OSBPL9: variants seen among roughly 807,000 people sequenced by gnomAD.
OSBPL9 encodes the protein oxysterol binding protein like 9.
In OSBPL9, 40 loss-of-function variants were observed where a neutral mutation model predicts 106.6. That is an observed-to-expected ratio of 0.38 (90% CI 0.29 to 0.49). The LOEUF (loss-of-function observed/expected upper bound fraction) is 0.49, where lower values mean the gene tolerates loss of function less well. OSBPL9 is among the 20% of genes least tolerant of loss of function. OSBPL9 has a pLI of 0.97. For missense variants in OSBPL9, 609 were observed against 887.2 expected (o/e 0.69, Z 3.98); for synonymous variants, 269 against 295.4 (o/e 0.91, Z 0.92).
intron 1 of OSBPL9, among the ~76,000 whole-genome samples, chr1:51,633,825 A>G (rs902993170): frequency 1.3e-5 from 2 of 152,010 alleles, no homozygotes; most frequent in African/African-American, 2.4e-5. Flanking sequence ...GGGCCTCACT[A>G]TGTTGCCCAG....
At chr1:51,709,958 C>T (rs1368154566) in intron 3 of OSBPL9, 1 of 152,392 alleles carries the variant, frequency 6.6e-6, no homozygotes, top group East Asian at 1.9e-4. Context: ...GCATATGTCT[C>T]CTCCATAGAA....
At chr1:51,707,233 G>T in intron 3 of OSBPL9, 1 of 323,082 alleles carries the variant, frequency 3.1e-6, no homozygotes, top group South Asian at 2.6e-5. Context: ...CTGACAAAGT[G>T]GTCATTGAGG....
At position 51,783,826 on chromosome 1, in the gene OSBPL9, C is replaced by T; in HGVS notation, c.1514-89C>T. On this transcript the variant is annotated intron_variant, in intron 17 of 23. Coordinates refer to ENST00000428468, the MANE Select transcript of OSBPL9 (RefSeq NM_024586.6). The stretch of plus-strand genomic sequence containing the variant: ...GCTGTTTGAAGGGTAAAGGATTTCC[C>T]CATGAAGCCAATTATTTCCCCAGGT... 4.1e-6 allele frequency: 4 copies of T among 971,672 alleles called. No homozygotes were observed. In the South Asian group the frequency reaches 4.5e-5, roughly 11 times the overall value. 60.2% of individuals were successfully genotyped at this position (971,672 alleles called of 1,614,324 possible).
At chr1:51,555,942 T>C in the OSBPL9 span, among the ~76,000 whole-genome samples, 1 of 152,204 alleles carries the variant, frequency 6.6e-6, no homozygotes, top group Admixed American at 6.5e-5. Context: ...ATATTTACAA[T>C]GGAAGGAAAA....
Position 51,617,163 on chromosome 1 carries a change from G to T in OSBPL9, c.53G>T (p.Gly18Val). The change falls in exon 1 of 24, where the codon GGC (glycine) becomes GTC (valine). Residue 18 changes from glycine to valine, a missense_variant. Coordinates refer to ENST00000428468, the MANE Select transcript of OSBPL9 (RefSeq NM_024586.6). Reference sequence around the variant, plus strand: ...AGCAAATGGACTAACGTGATGAAGGGCTGGCAGTACCGTTGGTTCGTGCTG... The same window carrying T: ...AGCAAATGGACTAACGTGATGAAGGTCTGGCAGTACCGTTGGTTCGTGCTG... The part of the protein sequence containing the change: ...PLSKWTNVMK[G>V]WQYRWFVLDY... 1 of 1,613,816 alleles carries T rather than the reference G, an allele frequency of 6.2e-7. No homozygotes were observed. Among genetic ancestry groups the T allele is most frequent in the Non-Finnish European group, 8.5e-7 (1 of 1,179,912 alleles).
At chr1:51,708,877 A>G (rs1659196675) in intron 3 of OSBPL9, among the ~76,000 whole-genome samples, 1 of 152,218 alleles carries the variant, frequency 6.6e-6, no homozygotes. Context: ...CAAACAATGT[A>G]AGAAACTTAA....
chr1:51,654,145 T>C (rs1646684275), intron 2 of OSBPL9, among the ~76,000 whole-genome samples: 1 of 152,248 alleles, frequency 6.6e-6, no homozygotes, highest in Non-Finnish European at 1.5e-5. Flanking sequence ...AATTGGCAGC[T>C]GGATCCAGAG....
chr1:51,568,451 G>C, the OSBPL9 span, among the ~76,000 whole-genome samples: 1 of 152,196 alleles, frequency 6.6e-6, no homozygotes, highest in African/African-American at 2.4e-5. Context: ...TTTATGCTTT[G>C]TAAAAACTCT....
chr1:51,786,252 GTTGAAGATT>G (rs1677602780), intron 21 of OSBPL9: 4 of 449,852 alleles, frequency 8.9e-6, no homozygotes, highest in Non-Finnish European at 1.6e-5. Flanking sequence ...TACACACACA[GTTGAAGATT>G]TTGTATAATA....
intron 2 of OSBPL9, among the ~76,000 whole-genome samples, chr1:51,664,706 A>T (rs188858662): frequency 6.6e-6 from 1 of 152,218 alleles, no homozygotes. Context: ...ATAAATAAAT[A>T]AATAAATAAG....
chr1:51,521,416 G>A, the OSBPL9 span, among the ~76,000 whole-genome samples: 1 of 152,226 alleles, frequency 6.6e-6, no homozygotes, highest in African/African-American at 2.4e-5. Context: ...TGGAAACCCT[G>A]CCATGTAGTT....
At chr1:51,638,439 C>T (rs1172508835) in intron 1 of OSBPL9, among the ~76,000 whole-genome samples, 3 of 152,098 alleles carry the variant, frequency 2.0e-5, no homozygotes, top group Non-Finnish European at 4.4e-5. Context: ...GGAGTCCGTG[C>T]TCTCTTAAAT....
the OSBPL9 span, among the ~76,000 whole-genome samples, chr1:51,549,187 C>T: frequency 6.6e-6 from 1 of 152,214 alleles, no homozygotes; most frequent in African/African-American, 2.4e-5. Flanking sequence ...ACCCTACTTC[C>T]TGTCATCTGG....
chr1:51,519,254 G>T, the OSBPL9 span: 2 of 1,347,760 alleles, frequency 1.5e-6, no homozygotes, highest in Admixed American at 2.8e-5. Context: ...ATGCAAGGGA[G>T]GGGAAGGAAG....
intron 4 of OSBPL9, among the ~76,000 whole-genome samples, chr1:51,734,018 T>C (rs1020947502): frequency 6.6e-6 from 1 of 152,224 alleles, no homozygotes; most frequent in African/African-American, 2.4e-5. Context: ...ATATTTGCTA[T>C]TAATATTATC....
intron 4 of OSBPL9, among the ~76,000 whole-genome samples, chr1:51,737,181 A>C (rs2300788): frequency 6.6e-6 from 1 of 152,026 alleles, no homozygotes; most frequent in African/African-American, 2.4e-5. Context: ...TAAATTTGCT[A>C]TCCTACTTTT....
chr1:51,530,726 AGT>A, the OSBPL9 span, among the ~76,000 whole-genome samples: 4 of 151,196 alleles, frequency 2.6e-5, no homozygotes, highest in Non-Finnish European at 5.9e-5. Context: ...GGCCTGGCAC[AGT>A]GGCTCACACC....
chr1:51,532,763 T>G, the OSBPL9 span, among the ~76,000 whole-genome samples: 1 of 152,000 alleles, frequency 6.6e-6, no homozygotes. Flanking sequence ...GATTTTAACA[T>G]TGGACCTTGG....
At chr1:51,550,581 C>T in the OSBPL9 span, among the ~76,000 whole-genome samples, 4 of 152,162 alleles carry the variant, frequency 2.6e-5, no homozygotes, top group African/African-American at 7.2e-5. Flanking sequence ...TGTGCGATCT[C>T]GGCCCACTGC....
Sources: allele counts gnomAD v4.1 joint callset (sites outside exome capture counted in the v4.1 genomes callset), GRCh38; gene constraint gnomAD v4.1.1; transcripts MANE v1.5; gene names NCBI Gene and HGNC (gene_info 2026-07-23, HGNC 2026-07-21).